Variants in SASS6 observed in about 807,000 individuals in gnomAD.
SASS6 encodes spindle assembly abnormal protein 6 homolog.
A neutral mutation model predicts 94.9 loss-of-function variants in SASS6; 59 were observed. The observed-to-expected ratio is 0.62, with a 90% CI of 0.50 to 0.77. The LOEUF (loss-of-function observed/expected upper bound fraction) is 0.77, where lower values mean the gene tolerates loss of function less well. Among genes scored for constraint, SASS6 ranks in the 30% least tolerant of loss-of-function variants. The pLI is 0.00. For synonymous variants in SASS6, 264 were observed against 270.0 expected (o/e 0.98, Z 0.22); for missense variants, 698 against 734.1 (o/e 0.95, Z 0.57).
chr1:100,107,331 G>GA lies in SASS6; in HGVS notation c.1326+42dup, dbSNP rs1034723899. Reference sequence around the variant, plus strand: ...ACAAAGCATAAATTTTTAAAACGAGGAAAAAATTTAGTTACAACATAAAAA... The same window carrying GA: ...ACAAAGCATAAATTTTTAAAACGAGGAAAAAAATTTAGTTACAACATAAAAA... On this transcript the variant is annotated intron_variant, in intron 11 of 16. Transcript: ENST00000287482. 14 of 1,292,328 alleles carry GA rather than the reference G, an allele frequency of 1.1e-5. No homozygotes were observed. The African/African-American group carries it at 2.0e-4, about 18-fold the overall frequency. The allele number at this position is 1,292,328 out of a possible 1,614,324, so 80.1% of individuals were successfully genotyped here. A position where few individuals can be genotyped will look rare whatever the true frequency, so the allele number is the denominator to read the frequency against.
intron 7 of SASS6, among the ~76,000 whole-genome samples, chr1:100,117,613 A>G (rs1653893078): frequency 6.6e-6 from 1 of 152,028 alleles, no homozygotes; most frequent in Non-Finnish European, 1.5e-5. Flanking sequence ...AGATAGTGCC[A>G]CTGCACTCCA....
chr1:100,127,431 G>A (rs1349304069), intron 1 of SASS6, among the ~76,000 whole-genome samples: 4 of 151,802 alleles, frequency 2.6e-5, no homozygotes, highest in Admixed American at 1.3e-4. Context: ...ATGCTGACTT[G>A]TAATTTTATA....
At chr1:100,112,807 T>C (rs796292630) in intron 7 of SASS6, among the ~76,000 whole-genome samples, 2 of 152,318 alleles carry the variant, frequency 1.3e-5, no homozygotes, top group African/African-American at 4.8e-5. Flanking sequence ...GCTAAGAACC[T>C]ATCAGGAAAT....
At chr1:100,089,460 T>G (rs543630337) in intron 14 of SASS6, among the ~76,000 whole-genome samples, 54 of 152,202 alleles carry the variant, frequency 3.5e-4, no homozygotes, top group African/African-American at 1.3e-3. Flanking sequence ...ATAATTAACT[T>G]GTTGAAAATG....
intron 1 of SASS6, among the ~76,000 whole-genome samples, chr1:100,129,238 A>C (rs927065359): frequency 2.1e-5 from 3 of 143,626 alleles, no homozygotes; most frequent in Admixed American, 7.0e-5. Flanking sequence ...GCCTCTCTCT[A>C]AAAAAAAAAA....
At chr1:100,125,295 TTA>T (rs891234045) in intron 2 of SASS6, among the ~76,000 whole-genome samples, 1 of 149,800 alleles carries the variant, frequency 6.7e-6, no homozygotes, top group African/African-American at 2.5e-5. Flanking sequence ...ATATATGTTA[TTA>T]TATATATATA....
intron 1 of SASS6, among the ~76,000 whole-genome samples, chr1:100,128,385 A>G (rs1476591466): frequency 6.6e-6 from 1 of 152,194 alleles, no homozygotes; most frequent in African/African-American, 2.4e-5. Flanking sequence ...TATTTGCAAA[A>G]AGTACAAGAA....
At chr1:100,101,412 TC>T (rs1652493409) in intron 14 of SASS6, among the ~76,000 whole-genome samples, 1 of 152,022 alleles carries the variant, frequency 6.6e-6, no homozygotes, top group East Asian at 1.9e-4. Flanking sequence ...AAAGTCTTGC[TC>T]CTGTATTTAA....
In SASS6 at chr1:100,115,726, G is replaced by A. The variant is rs144923656; in HGVS notation, c.669+3292C>T. Among the ~76,000 whole-genome samples, 32 of 152,290 alleles carry A rather than the reference G, an allele frequency of 2.1e-4. 1 individual carries two copies. In the East Asian group the frequency reaches 6.2e-3, roughly 29 times the overall value. On this transcript the variant is annotated intron_variant, in intron 7 of 16. Transcript: ENST00000287482. ...GCCTGCAGTCCCAGCTACTTTGGAAGCAGAGGCAGAAGGATCGCTGGAGGT... is the reference window on the plus strand; with the variant it reads ...GCCTGCAGTCCCAGCTACTTTGGAAACAGAGGCAGAAGGATCGCTGGAGGT...
At chr1:100,108,273 C>T (rs1653062507) in intron 8 of SASS6, among the ~76,000 whole-genome samples, 1 of 152,010 alleles carries the variant, frequency 6.6e-6, no homozygotes, top group East Asian at 1.9e-4. Flanking sequence ...AACTTTAAAA[C>T]TTTTAACAAT....
chr1:100,084,330 ATTGT>A lies in SASS6; in HGVS notation c.*994_*997del, dbSNP rs1651073345. The stretch of plus-strand genomic sequence containing the variant: ...GACTCTTTAGAGAATGCTACCAGGT[ATTGT>A]TTGTCAATAAGAAAACAAAATGAGG... On this transcript the variant is annotated 3_prime_UTR_variant, in exon 17 of 17. Coordinates refer to ENST00000287482, the MANE Select transcript of SASS6 (RefSeq NM_194292.3). 1 of 152,186 alleles carries A rather than the reference ATTGT, an allele frequency of 6.6e-6. No homozygotes were observed. 9.4% of individuals were successfully genotyped at this position (152,186 alleles called of 1,614,324 possible).
At chr1:100,108,140 A>T (rs184667079) in intron 8 of SASS6, 136 bp from the exon 9 acceptor site, 30 of 500,546 alleles carry the variant, frequency 6.0e-5, no homozygotes, top group African/African-American at 9.9e-5. Context: ...ATTTTTTTTT[A>T]AAAGCATAAA....
At chr1:100,113,375 G>T (rs539754524) in intron 7 of SASS6, among the ~76,000 whole-genome samples, 8 of 152,204 alleles carry the variant, frequency 5.3e-5, no homozygotes, top group African/African-American at 1.9e-4. Flanking sequence ...TTGGGAGGCT[G>T]AGGCGGGCGG....
At chr1:100,106,724 G>A (rs553657714) in intron 12 of SASS6, among the ~76,000 whole-genome samples, 188 bp downstream of exon 12, 43 of 152,214 alleles carry the variant, frequency 2.8e-4, no homozygotes, top group African/African-American at 9.4e-4. Context: ...GTGTGGTGGT[G>A]CACACCTTAG....
chr1:100,089,316 AAG>A (rs1234800826), intron 14 of SASS6, among the ~76,000 whole-genome samples: 4 of 152,154 alleles, frequency 2.6e-5, no homozygotes. Context: ...AACACCAAAA[AAG>A]AGAACAAAAC....
chr1:100,121,653 A>C, intron 4 of SASS6, 104 bp from the exon 5 acceptor site: 1 of 657,664 alleles, frequency 1.5e-6, no homozygotes. Flanking sequence ...AAGGGAGCAC[A>C]TTGAGGACTC....
intron 14 of SASS6, among the ~76,000 whole-genome samples, chr1:100,102,739 C>T (rs1439302996): frequency 4.0e-5 from 6 of 149,140 alleles, no homozygotes; most frequent in Admixed American, 6.7e-5. Flanking sequence ...AGACTGATGT[C>T]AAGATTTTAG....
chr1:100,104,899 GCCATGATC>G (rs1286241695), intron 13 of SASS6, among the ~76,000 whole-genome samples: 1 of 151,904 alleles, frequency 6.6e-6, no homozygotes, highest in African/African-American at 2.4e-5. Flanking sequence ...GCTGCCATGA[GCCATGATC>G]CCACCACTGC....
chr1:100,103,869 T>C (rs1025181929), intron 13 of SASS6, among the ~76,000 whole-genome samples: 11 of 152,240 alleles, frequency 7.2e-5, no homozygotes, highest in African/African-American at 2.4e-4. Flanking sequence ...GCCAATGTCC[T>C]GTAGCCAAGG....
Sources: allele counts gnomAD v4.1 joint callset (sites outside exome capture counted in the v4.1 genomes callset), GRCh38; gene constraint gnomAD v4.1.1; transcripts MANE v1.5; gene names NCBI Gene and HGNC (gene_info 2026-07-23, HGNC 2026-07-21).